YBX3: variants seen among roughly 807,000 people sequenced by gnomAD.
YBX3 encodes the protein Y-box binding protein 3.
In YBX3, 29 loss-of-function variants were observed where a neutral mutation model predicts 42.4. The ratio of observed to expected loss-of-function variants is 0.68; its 90% CI spans 0.51 to 0.93. The LOEUF (loss-of-function observed/expected upper bound fraction) is 0.93, where lower values mean the gene tolerates loss of function less well. Ranked by LOEUF, YBX3 falls within the 40% of genes least tolerant of loss-of-function variation. YBX3 has a pLI of 0.00. For synonymous variants in YBX3, 195 were observed against 189.8 expected, an observed-to-expected ratio of 1.03 and a Z score of -0.22; for missense variants, 517 against 527.5, an observed-to-expected ratio of 0.98 and a Z score of 0.19.
At chr12:10,711,399 C>T (rs1172845945) in intron 5 of YBX3, 1 of 151,954 alleles carries the variant, frequency 6.6e-6, no homozygotes, top group African/African-American at 2.4e-5. Flanking sequence ...AACCAAACTC[C>T]CCCTCCAAAA....
At chr12:10,706,093 C>T (rs2120919107) in intron 6 of YBX3, among the ~76,000 whole-genome samples, 1 of 152,322 alleles carries the variant, frequency 6.6e-6, no homozygotes, top group Non-Finnish European at 1.5e-5. Context: ...CCATGGAACA[C>T]ACACACACAA....
intron 6 of YBX3, among the ~76,000 whole-genome samples, chr12:10,707,866 T>C (rs1001004792): frequency 6.6e-6 from 1 of 152,186 alleles, no homozygotes; most frequent in Admixed American, 6.5e-5. Context: ...AAAAAAAGAC[T>C]GACAGAAACA....
chr12:10,716,632 G>A (rs899616375), intron 3 of YBX3, among the ~76,000 whole-genome samples: 1 of 152,084 alleles, frequency 6.6e-6, no homozygotes, highest in East Asian at 1.9e-4. Flanking sequence ...CAGTTAAAGG[G>A]GCTTGCGTTT....
chr12:10,706,966 G>A (rs1255605520), intron 6 of YBX3, among the ~76,000 whole-genome samples: 1 of 152,026 alleles, frequency 6.6e-6, no homozygotes, highest in African/African-American at 2.4e-5. Context: ...GCAGTGAGCC[G>A]AGATCGTGTC....
At position 10,701,999 on chromosome 12, in the gene YBX3, GC is replaced by G; in HGVS notation, c.1013del (p.Arg338ProfsTer50). The G allele has an allele frequency of 6.2e-7, 1 of 1,613,954 alleles. No homozygotes were observed. The highest frequency in any genetic ancestry group is 1.3e-5 in the African/African-American group (1 of 75,044). On this transcript the variant is annotated frameshift_variant, in exon 8 of 10. Coordinates refer to ENST00000228251, the MANE Select transcript of YBX3 (RefSeq NM_003651.5). LOFTEE classifies it high-confidence loss of function. ...GTGAAGGAGCGTTAGGAGGACGCGGGCGACGCCGGTAATTGTAGGGACGCCG... is the reference window on the plus strand; with the variant it reads ...GTGAAGGAGCGTTAGGAGGACGCGGGGACGCCGGTAATTGTAGGGACGCCG... ...GYRRPYNYRR[R>X]PRPPNAPSQD...
At chr12:10,710,797 G>C (rs1035697812) in intron 5 of YBX3, 3 of 285,886 alleles carry the variant, frequency 1.0e-5, no homozygotes, top group Admixed American at 4.2e-5. Context: ...ATCTGCAAAA[G>C]TATAAAGCAA....
intron 6 of YBX3, among the ~76,000 whole-genome samples, chr12:10,707,000 G>A (rs2120922591): frequency 6.7e-6 from 1 of 150,164 alleles, no homozygotes; most frequent in African/African-American, 2.5e-5. Context: ...CTGGGTGACA[G>A]AGTGAGACTC....
intron 2 of YBX3, among the ~76,000 whole-genome samples, chr12:10,718,810 T>G (rs1460718026): frequency 6.6e-6 from 1 of 152,160 alleles, no homozygotes; most frequent in African/African-American, 2.4e-5. Flanking sequence ...ATGGTCTCAT[T>G]TATCCTAAGG....
chr12:10,713,103 C>T (rs369334333), intron 5 of YBX3, 108 bp downstream of exon 5: 4 of 1,270,652 alleles, frequency 3.1e-6, no homozygotes, highest in East Asian at 5.3e-5. Flanking sequence ...TCACTTAAAT[C>T]ATTTGTCTCC....
At chr12:10,704,336 A>G in intron 6 of YBX3, 188 bp from the exon 7 acceptor site, 1 of 527,574 alleles carries the variant, frequency 1.9e-6, no homozygotes, top group Non-Finnish European at 3.4e-6. Flanking sequence ...AGGAAGACAA[A>G]CCTAGTCTGA....
At chr12:10,717,085 A>T (rs1948271435) in intron 3 of YBX3, among the ~76,000 whole-genome samples, 1 of 152,216 alleles carries the variant, frequency 6.6e-6, no homozygotes. Context: ...ACTGTATCTG[A>T]ACAAAATAAA....
Position 10,710,035 on chromosome 12 carries a change from C to T in YBX3, c.653G>A (p.Gly218Glu). The T allele has an allele frequency of 6.2e-7, 1 of 1,614,112 alleles. No individual in the cohort carries two copies. The highest frequency in any genetic ancestry group is 1.3e-5 in the African/African-American group (1 of 75,058). ...DPPATDRQFS[G>E]ARNQLRRPQY... ...GGGGCGGCGCAGCTGATTCCGGGCC[C>T]CAGAGAACTGCCTATCAGTGGCAGG... is the stretch of plus-strand genomic sequence containing the variant. Residue 218 changes from glycine (G) to glutamate (E), a missense_variant, in exon 6 of 10, where the codon GGG becomes GAG. Physicochemically the swap from Gly to Glu is moderately conservative, Grantham distance 98 (BLOSUM62 -2). Coordinates refer to ENST00000228251, the MANE Select transcript of YBX3 (RefSeq NM_003651.5).
intron 6 of YBX3, among the ~76,000 whole-genome samples, chr12:10,705,052 T>C (rs1199569753): frequency 2.0e-5 from 3 of 152,220 alleles, no homozygotes; most frequent in Non-Finnish European, 2.9e-5. Flanking sequence ...CCGTTTAGAA[T>C]TATGCACTAA....
Position 10,701,273 on chromosome 12 carries a change from C to T in YBX3, c.*15G>A, listed in dbSNP as rs760221351. 2 of 780,120 alleles carry T rather than the reference C, an allele frequency of 2.6e-6. No homozygotes were observed. The highest frequency in any genetic ancestry group is 4.8e-6 in the Non-Finnish European group (2 of 418,036). The allele number at this position is 780,120 out of a possible 1,614,324, so 48.3% of individuals were successfully genotyped here. ...TCTTACCTGCCGATGGTGAAGGTGC[C>T]TGAGGAGCCTGGTGTTACTCAGCAC... is the stretch of plus-strand genomic sequence containing the variant. On this transcript the variant is annotated 3_prime_UTR_variant, in exon 9 of 10. Coordinates refer to ENST00000228251, the MANE Select transcript of YBX3 (RefSeq NM_003651.5).
chr12:10,707,019 A>AAAATAAATAAATAAATAAATAAAT (rs139588933), intron 6 of YBX3, among the ~76,000 whole-genome samples: 8 of 149,496 alleles, frequency 5.4e-5, no homozygotes, highest in East Asian at 2.0e-4. Context: ...TCCATCTCAA[A>AAAATAAATAAATAAATAAATAAAT]AAATAAATAA....
intron 1 of YBX3, chr12:10,722,536 C>A: frequency 4.5e-6 from 1 of 220,152 alleles, no homozygotes; most frequent in Non-Finnish European, 8.8e-6. Context: ...GCATTTTCCA[C>A]CACGCGAATC....
chr12:10,714,692 T>G (rs1468814590), intron 4 of YBX3, among the ~76,000 whole-genome samples: 1 of 152,172 alleles, frequency 6.6e-6, no homozygotes, highest in African/African-American at 2.4e-5. Context: ...TAGGTAGAAG[T>G]GCTTACAAGT....
At chr12:10,708,551 A>G (rs1361713299) in intron 6 of YBX3, among the ~76,000 whole-genome samples, 1 of 152,234 alleles carries the variant, frequency 6.6e-6, no homozygotes, top group Non-Finnish European at 1.5e-5. Flanking sequence ...TCAGAGAGCT[A>G]GTAGATATTA....
At chr12:10,709,229 A>C (rs1389693039) in intron 6 of YBX3, among the ~76,000 whole-genome samples, 1 of 152,230 alleles carries the variant, frequency 6.6e-6, no homozygotes, top group Non-Finnish European at 1.5e-5. Flanking sequence ...TGATAACAAA[A>C]ATGATGATCT....
Sources: gnomAD v4.1 joint callset for allele counts (sites outside exome capture counted in the v4.1 genomes callset) on GRCh38, gnomAD v4.1.1 for gene constraint, MANE v1.5 for transcripts, NCBI Gene and HGNC (gene_info 2026-07-23, HGNC 2026-07-21) for gene names.